DGKA: variants seen among roughly 807,000 people sequenced by gnomAD.
The protein encoded by DGKA is 80 kDa diacylglycerol kinase.
DGKA carries 35 observed loss-of-function variants against 105.0 expected under a neutral mutation model. The observed-to-expected ratio is 0.33, with a 90% confidence interval of 0.25 to 0.44. The LOEUF (loss-of-function observed/expected upper bound fraction) is 0.44, where lower values mean the gene tolerates loss of function less well. Ranked by LOEUF, DGKA falls within the 20% of genes least tolerant of loss-of-function variation. The pLI, the probability that DGKA is intolerant of heterozygous loss-of-function variation, is 1.00. For missense variants in DGKA, 665 were observed against 915.0 expected, an observed-to-expected ratio of 0.73 and a Z score of 3.53; for synonymous variants, 296 against 332.0, an observed-to-expected ratio of 0.89 and a Z score of 1.18.
upstream of DGKA, among the ~76,000 whole-genome samples, chr12:55,929,001 AC>A (rs2136273002): frequency 6.6e-6 from 1 of 151,876 alleles, no homozygotes. Context: ...TACTAAAAAT[AC>A]AAAAATTAGC....
chr12:55,927,983 G>T, upstream of DGKA: 2 of 563,094 alleles, frequency 3.6e-6, no homozygotes, highest in Non-Finnish European at 3.1e-6. Flanking sequence ...TCGTCCAACC[G>T]CTGAGGATCT....
intron 17 of DGKA, among the ~76,000 whole-genome samples, chr12:55,947,055 G>A (rs1366822041): frequency 1.7e-4 from 24 of 145,302 alleles, no homozygotes; most frequent in African/African-American, 4.9e-4. Flanking sequence ...GCGCGATCTC[G>A]GCTCATTGCA....
At position 55,941,511 on chromosome 12, in the gene DGKA, G is replaced by A; in HGVS notation, c.1177G>A (p.Val393Met). The A allele has an allele frequency of 6.2e-7, 1 of 1,614,142 alleles. No homozygotes were observed. The highest frequency in any genetic ancestry group is 8.5e-7 in the Non-Finnish European group (1 of 1,180,034). ...PKSGGKQGQRVLWKFQYILNP... is the reference protein window; with the variant it reads ...PKSGGKQGQRMLWKFQYILNP... ...AACTTTTCTTTTTCCCACACACAGG[G>A]TGCTCTGGAAGTTCCAGTATATATT... Residue 393 changes from valine (V) to methionine (M), a missense_variant and splice_region_variant, in exon 15 of 24, where the codon GTG becomes ATG. Physicochemically the swap from Val to Met is conservative, Grantham distance 21. Transcript: ENST00000331886.
chr12:55,940,114 A>C lies in DGKA; in HGVS notation c.742A>C (p.Met248Leu). The change falls in exon 10 of 24, where the codon ATG (methionine) becomes CTG (leucine). Residue 248 changes from methionine to leucine, a missense_variant. Physicochemically the swap from Met to Leu is conservative, Grantham distance 15. Transcript: ENST00000331886. This position sits in a 1 kb window ranked among gnomAD's most constrained non-coding sequence, Gnocchi z 4.3. ...CKYTVHDQCA[M>L]KALPCEVSTY... ...GTACACTGTTCACGACCAGTGTGCC[A>C]TGAAAGCCCTGCCTTGTGAAGTCAG... 1 of 1,614,228 alleles carries C rather than the reference A, an allele frequency of 6.2e-7. No homozygotes were observed.
At chr12:55,950,453 C>T (rs951652787) in intron 17 of DGKA, among the ~76,000 whole-genome samples, 3 of 151,658 alleles carry the variant, frequency 2.0e-5, no homozygotes, top group African/African-American at 7.3e-5. Flanking sequence ...ACTATAGGTG[C>T]CCACCACCAC....
chr12:55,941,036 C>T (rs562694429), intron 13 of DGKA, 56 bp downstream of exon 13: 3 of 1,566,394 alleles, frequency 1.9e-6, no homozygotes, highest in Non-Finnish European at 2.6e-6. Context: ...CACTGGAGCC[C>T]TCATGGGTGG....
upstream of DGKA, chr12:55,930,364 T>TTG (rs1555182414): frequency 5.2e-5 from 7 of 133,950 alleles, no homozygotes; most frequent in African/African-American, 1.2e-4. Flanking sequence ...CTTGTTTTTT[T>TTG]TTTTTTTTTT....
chr12:55,928,025 C>T (rs1302110325), upstream of DGKA: 5 of 521,348 alleles, frequency 9.6e-6, no homozygotes, highest in Admixed American at 3.5e-5. Context: ...AATCCGGTCC[C>T]GTAGTGTCAC....
In DGKA at chr12:55,953,020, AC is replaced by A. The variant is rs750184265; in HGVS notation, c.1943-19del. On this transcript the variant is annotated intron_variant, in intron 21 of 23. Coordinates refer to ENST00000331886, the MANE Select transcript of DGKA (RefSeq NM_001345.5). The stretch of plus-strand genomic sequence containing the variant: ...GGATACCCTGTTTATGTAAAACTTT[AC>A]TCCCTACTTCGTCCCCAGACCTAAG... The A allele has an allele frequency of 3.7e-6, 6 of 1,614,014 alleles. No individual in the cohort carries two copies. The East Asian group carries it at 1.3e-4, about 36-fold the overall frequency.
chr12:55,936,013 G>C (rs1017740549), intron 1 of DGKA: 9 of 990,786 alleles, frequency 9.1e-6, no homozygotes, highest in Non-Finnish European at 1.1e-5. Flanking sequence ...CCCGAGATGG[G>C]AGAGAGCTCA....
chr12:55,938,203 C>T (rs1885155231), intron 5 of DGKA, 151 bp downstream of exon 5: 1 of 745,120 alleles, frequency 1.3e-6, no homozygotes, highest in Non-Finnish European at 2.2e-6. Context: ...CCTGTGTTCT[C>T]CCAGACTATT....
Position 55,932,979 on chromosome 12 carries a change from T to C in DGKA, c.-82+1635T>C, listed in dbSNP as rs1157580429. On this transcript the variant is annotated intron_variant, in intron 1 of 23. Coordinates refer to ENST00000331886, the MANE Select transcript of DGKA (RefSeq NM_001345.5). The surrounding 1 kb of genome is among the most constrained non-coding windows in gnomAD (Gnocchi z 4.3). ...GGGCAGCCTCAATATTCTGGAGACA[T>C]AGCTATTTCCTGAGTAATGGTCGAC... 1 of 183,210 alleles carries C rather than the reference T, an allele frequency of 5.5e-6. No individual in the cohort carries two copies. The highest frequency in any genetic ancestry group is 1.1e-5 in the Non-Finnish European group (1 of 88,028). 11.3% of individuals were successfully genotyped at this position (183,210 alleles called of 1,614,324 possible).
At chr12:55,942,443 A>G in intron 17 of DGKA, 180 bp downstream of exon 17, 1 of 606,722 alleles carries the variant, frequency 1.6e-6, no homozygotes, top group Non-Finnish European at 2.9e-6. Context: ...AGCAGGGACC[A>G]CAATCTGAAC....
chr12:55,947,046 C>A (rs1304336654), intron 17 of DGKA, among the ~76,000 whole-genome samples: 2 of 142,246 alleles, frequency 1.4e-5, no homozygotes, highest in Non-Finnish European at 3.0e-5. Context: ...GGTGCAATGG[C>A]GCGATCTCGG....
At position 55,941,924 on chromosome 12, in the gene DGKA, A is replaced by C. The variant is rs1360849690; in HGVS notation, c.1251-74A>C. 2.0e-6 allele frequency: 3 copies of C among 1,473,544 alleles called. No homozygotes were observed. The African/African-American group carries it at 4.2e-5, about 20-fold the overall frequency. The allele number at this position is 1,473,544 out of a possible 1,614,324, so 91.3% of individuals were successfully genotyped here. A position where few individuals can be genotyped will look rare whatever the true frequency, so the allele number is the denominator to read the frequency against. ...TCCTACGGAATGAGAGACAAGAAGC[A>C]ATCTGCCTGCTCAGGACTTGGGTAG... On this transcript the variant is annotated intron_variant, in intron 15 of 23. Coordinates refer to ENST00000331886, the MANE Select transcript of DGKA (RefSeq NM_001345.5).
intron 1 of DGKA, among the ~76,000 whole-genome samples, chr12:55,935,125 G>T (rs1459260589): frequency 6.6e-6 from 1 of 152,194 alleles, no homozygotes; most frequent in African/African-American, 2.4e-5. Context: ...TTCATCTGTA[G>T]AATGGTTATG....
intron 3 of DGKA, 62 bp downstream of exon 3, chr12:55,937,152 C>A: frequency 6.4e-7 from 1 of 1,568,856 alleles, no homozygotes; most frequent in Non-Finnish European, 8.8e-7. Flanking sequence ...TTTTGATCCC[C>A]AACTTCCAGG....
At position 55,932,740 on chromosome 12, in the gene DGKA, CAA is replaced by C. The variant is rs1168789811; in HGVS notation, c.-82+1397_-82+1398del. 12 of 544,446 alleles carry C rather than the reference CAA, an allele frequency of 2.2e-5. No individual in the cohort carries two copies. The highest frequency in any genetic ancestry group is 3.3e-5 in the Non-Finnish European group (10 of 300,444). The allele number at this position is 544,446 out of a possible 1,614,324, so 33.7% of individuals were successfully genotyped here. A position where few individuals can be genotyped will look rare whatever the true frequency, so the allele number is the denominator to read the frequency against. ...ACACACACACACACACACACACACA[CAA>C]CCCCCTCAGCCAGGTGTAGCACTGC... On this transcript the variant is annotated intron_variant, in intron 1 of 23. Transcript: ENST00000331886. This position sits in a 1 kb window ranked among gnomAD's most constrained non-coding sequence, Gnocchi z 4.3.
At chr12:55,945,437 A>G (rs191079424) in intron 17 of DGKA, among the ~76,000 whole-genome samples, 3 of 152,298 alleles carry the variant, frequency 2.0e-5, no homozygotes, top group East Asian at 3.9e-4. Context: ...TGCTGTCGCC[A>G]ATTACCACAA....
Sources: gnomAD v4.1 joint callset for allele counts (sites outside exome capture counted in the v4.1 genomes callset) on GRCh38, gnomAD v4.1.1 for gene constraint, Gnocchi (gnomAD v3.1) non-coding constraint, MANE v1.5 for transcripts, NCBI Gene and HGNC (gene_info 2026-07-23, HGNC 2026-07-21) for gene names.